DGKB: variants seen among roughly 807,000 people sequenced by gnomAD.
DGKB encodes the protein diacylglycerol kinase beta.
In DGKB, 67 loss-of-function variants were observed where a neutral mutation model predicts 114.3. The ratio of observed to expected loss-of-function variants is 0.59; its 90% CI spans 0.48 to 0.72. The LOEUF is 0.72. DGKB is among the 30% of genes least tolerant of loss of function. The probability of loss-of-function intolerance (pLI) is 0.00; values close to 1 mark genes in which losing one functional copy is unlikely to be tolerated. For missense variants in DGKB, 907 were observed against 975.2 expected (o/e 0.93, Z 0.93); for synonymous variants, 398 against 323.1 (o/e 1.23, Z -2.49).
intron 23 of DGKB, among the ~76,000 whole-genome samples, chr7:14,281,876 A>C (rs1230193879): frequency 7.0e-6 from 1 of 143,100 alleles, no homozygotes; most frequent in African/African-American, 2.6e-5. Flanking sequence ...GTAGAGGGAA[A>C]TTTATAGCAC....
At chr7:14,926,119 C>T (rs186393774) in intron 1 of DGKB, among the ~76,000 whole-genome samples, 14 of 152,080 alleles carry the variant, frequency 9.2e-5, no homozygotes, top group African/African-American at 1.4e-4. Flanking sequence ...TTTTTTCAAA[C>T]ACTTTTTTTG....
chr7:14,371,649 CT>C (rs1817674036), intron 21 of DGKB, among the ~76,000 whole-genome samples: 1 of 152,072 alleles, frequency 6.6e-6, no homozygotes, highest in Non-Finnish European at 1.5e-5. Context: ...TTGATAGTTT[CT>C]TTTGCTAGGC....
At chr7:14,698,308 T>A (rs1467226671) in intron 7 of DGKB, 139 bp from the exon 8 acceptor site, 1 of 528,342 alleles carries the variant, frequency 1.9e-6, no homozygotes, top group South Asian at 2.8e-5. Context: ...ATGTACATAA[T>A]CCTTTTTAAA....
chr7:14,801,296 T>C (rs1411852064), intron 2 of DGKB, among the ~76,000 whole-genome samples: 1 of 152,142 alleles, frequency 6.6e-6, no homozygotes, highest in Non-Finnish European at 1.5e-5. Context: ...ATTATGATCT[T>C]GTTACTGTCT....
chr7:14,794,332 A>G (rs1393958113), intron 2 of DGKB, among the ~76,000 whole-genome samples: 2 of 152,156 alleles, frequency 1.3e-5, no homozygotes, highest in Non-Finnish European at 2.9e-5. Context: ...CTGATAGACT[A>G]GGGCCTAAAA....
intron 21 of DGKB, among the ~76,000 whole-genome samples, chr7:14,350,155 C>T (rs879410424): frequency 1.8e-4 from 28 of 152,100 alleles, no homozygotes; most frequent in Admixed American, 1.4e-3. Flanking sequence ...AATTTTCATA[C>T]GAACTGTAAT....
intron 2 of DGKB, among the ~76,000 whole-genome samples, chr7:14,807,968 C>T (rs1842969332): frequency 6.6e-6 from 1 of 151,952 alleles, no homozygotes; most frequent in African/African-American, 2.4e-5. Flanking sequence ...TTCTTTAATA[C>T]ATAACTCCTA....
chr7:14,251,614 A>G lies in DGKB; in HGVS notation c.2123-73463T>C, dbSNP rs79284153. ...AGGGAGTTTTATTTTTTACTTTCGT[A>G]TGCTTTTATGTTAATTAGCCTTCTT... On this transcript the variant is annotated intron_variant, in intron 23 of 25. Coordinates refer to ENST00000402815, the MANE Select transcript of DGKB (RefSeq NM_001350709.2). Among the ~76,000 whole-genome samples the G allele has an allele frequency of 6.9e-3, 1,047 of 152,132 alleles. 12 individuals carry two copies. Among genetic ancestry groups the G allele is most frequent in the African/African-American group, 0.024 (992 of 41,530 alleles).
At chr7:14,505,906 T>C (rs1786970386) in intron 20 of DGKB, among the ~76,000 whole-genome samples, 1 of 152,190 alleles carries the variant, frequency 6.6e-6, no homozygotes, top group African/African-American at 2.4e-5. Context: ...CATTCTTCCA[T>C]TGTCAGTAGT....
chr7:14,682,201 T>C (rs1820957877), intron 12 of DGKB, among the ~76,000 whole-genome samples: 1 of 151,850 alleles, frequency 6.6e-6, no homozygotes, highest in South Asian at 2.1e-4. Context: ...GGTTGTGGAG[T>C]AAAGGGAGAG....
At position 14,178,166 on chromosome 7, in the gene DGKB, A is replaced by T. The variant is rs777736340; in HGVS notation, c.2123-15T>A. On this transcript the variant is annotated splice_polypyrimidine_tract_variant and intron_variant, in intron 23 of 25. Coordinates refer to ENST00000402815, the MANE Select transcript of DGKB (RefSeq NM_001350709.2). ...GTCACTGAGATCTGAAAGAAAGTAG[A>T]TGCCTTTTAAGTTGCAATGTGTATA... The T allele has an allele frequency of 1.2e-6, 2 of 1,613,090 alleles. No homozygotes were observed. The highest frequency in any genetic ancestry group is 3.3e-5 in the Admixed American group (2 of 59,904).
At chr7:14,356,505 G>A (rs558136619) in intron 21 of DGKB, among the ~76,000 whole-genome samples, 1 of 151,894 alleles carries the variant, frequency 6.6e-6, no homozygotes, top group African/African-American at 2.4e-5. Flanking sequence ...GGGACTACAG[G>A]TGCCTGCAAC....
At chr7:14,862,498 A>T (rs1228236201) in intron 1 of DGKB, among the ~76,000 whole-genome samples, 1 of 152,090 alleles carries the variant, frequency 6.6e-6, no homozygotes, top group Non-Finnish European at 1.5e-5. Context: ...GTATTATAAT[A>T]ATATTATTTT....
intron 2 of DGKB, among the ~76,000 whole-genome samples, chr7:14,806,068 C>A (rs1301804714): frequency 6.6e-6 from 1 of 151,318 alleles, no homozygotes; most frequent in Non-Finnish European, 1.5e-5. Context: ...TAGTTGAGAT[C>A]TTTTCTTTTA....
intron 20 of DGKB, among the ~76,000 whole-genome samples, chr7:14,553,534 A>T (rs1477023642): frequency 1.3e-5 from 2 of 152,210 alleles, no homozygotes; most frequent in African/African-American, 4.8e-5. Context: ...TATCCAGTTA[A>T]AATGTGATCT....
intron 20 of DGKB, among the ~76,000 whole-genome samples, chr7:14,497,514 T>C (rs1015348706): frequency 4.6e-5 from 7 of 151,830 alleles, no homozygotes; most frequent in Admixed American, 4.0e-4. Context: ...TCTATGTTCC[T>C]AGGCTCTCCT....
intron 2 of DGKB, among the ~76,000 whole-genome samples, chr7:14,762,344 CT>C (rs1835828535): frequency 6.6e-6 from 1 of 152,076 alleles, no homozygotes; most frequent in African/African-American, 2.4e-5. Flanking sequence ...TGCACACACC[CT>C]GTCAATCTTC....
chr7:14,815,819 A>T (rs1010610520), intron 2 of DGKB, among the ~76,000 whole-genome samples: 1 of 152,180 alleles, frequency 6.6e-6, no homozygotes, highest in Non-Finnish European at 1.5e-5. Flanking sequence ...TACAATCGTG[A>T]TAAGAACACA....
chr7:14,257,195 T>C (rs1796078206), intron 23 of DGKB, among the ~76,000 whole-genome samples: 1 of 152,154 alleles, frequency 6.6e-6, no homozygotes, highest in South Asian at 2.1e-4. Flanking sequence ...ATTTATTCTG[T>C]TACTAGAATA....
Sources: gnomAD v4.1 joint callset for allele counts (sites outside exome capture counted in the v4.1 genomes callset) on GRCh38, gnomAD v4.1.1 for gene constraint, MANE v1.5 for transcripts, NCBI Gene and HGNC (gene_info 2026-07-23, HGNC 2026-07-21) for gene names.